The following PFKP variants were observed in gnomAD, a reference collection of about 807,000 sequenced individuals.
The protein encoded by PFKP is phosphofructokinase, platelet.
PFKP carries 101 observed loss-of-function variants against 94.3 expected under a neutral mutation model. The ratio of observed to expected loss-of-function variants is 1.07; its 90% CI spans 0.91 to 1.26. The LOEUF is 1.26. PFKP is among the 50% of genes most tolerant of loss of function. The pLI is 0.00. For synonymous variants in PFKP, 573 were observed against 432.6 expected (o/e 1.32, Z -4.03); for missense variants, 1,145 against 1,103.3 (o/e 1.04, Z -0.53).
intron 10 of PFKP, 98 bp downstream of exon 10, chr10:3,109,578 A>C (rs1265877749): frequency 1.4e-6 from 2 of 1,412,680 alleles, no homozygotes; most frequent in African/African-American, 2.8e-5. Context: ...TCGTCGGTGC[A>C]CGATGCATTA....
At chr10:3,090,968 G>GT (rs1172524324) in intron 2 of PFKP, among the ~76,000 whole-genome samples, 1 of 152,144 alleles carries the variant, frequency 6.6e-6, no homozygotes, top group Non-Finnish European at 1.5e-5. Context: ...AAAGGGGTTT[G>GT]TTTTTTCCTT....
At position 3,112,776 on chromosome 10, in the gene PFKP, C is replaced by T. The variant is rs183290806; in HGVS notation, c.1155-343C>T. Among the ~76,000 whole-genome samples, 322 of 152,338 alleles carry T rather than the reference C, an allele frequency of 2.1e-3. 1 individual carries two copies. Among genetic ancestry groups the T allele is most frequent in the Middle Eastern group, 6.8e-3 (2 of 294 alleles). On this transcript the variant is annotated intron_variant, in intron 11 of 21. Coordinates refer to ENST00000381125, the MANE Select transcript of PFKP (RefSeq NM_002627.5). ...ACAGACGGGGTTTCAACATGTTGGC[C>T]AGGCTGGTCTCAAATTCCTGACCTC...
intron 1 of PFKP, chr10:3,069,404 G>A: frequency 6.3e-7 from 1 of 1,580,758 alleles, no homozygotes; most frequent in Non-Finnish European, 8.6e-7. Context: ...GAATGGAGCC[G>A]CCTTGGGGTC....
intron 16 of PFKP, among the ~76,000 whole-genome samples, chr10:3,122,021 TGTG>T (rs1837483333): frequency 6.6e-6 from 1 of 151,774 alleles, no homozygotes; most frequent in African/African-American, 2.4e-5. Flanking sequence ...GGGGTCTCCC[TGTG>T]TTGCCCAGGC....
intron 2 of PFKP, among the ~76,000 whole-genome samples, chr10:3,093,241 C>G (rs922232297): frequency 6.6e-6 from 1 of 151,940 alleles, no homozygotes; most frequent in African/African-American, 2.4e-5. Context: ...CTGACTGTCA[C>G]CCCCACCTTC....
chr10:3,119,892 G>A lies in PFKP; in HGVS notation c.1531G>A (p.Ala511Thr), dbSNP rs777034355. 2 of 1,614,044 alleles carry A rather than the reference G, an allele frequency of 1.2e-6. No homozygotes were observed. Among genetic ancestry groups the A allele is most frequent in the Non-Finnish European group, 1.7e-6 (2 of 1,180,002 alleles). Residue 511 changes from alanine to threonine, a missense_variant and splice_region_variant, in exon 16 of 22, where the codon GCC becomes ACC. Physicochemically the swap from Ala to Thr is moderately conservative, Grantham distance 58 (BLOSUM62 0). This residue lies in a region of PFKP where 1,119 missense variants were observed against 1,062.8 expected (regional missense o/e 1.05). Transcript: ENST00000381125. ...CACAACTCCCACGCTTGTCTGACAG[G>A]CCTACCTGGGACTCCTGGAGCTGTC... The part of the protein sequence containing the change: ...NALLIIGGFE[A>T]YLGLLELSAA...
intron 16 of PFKP, among the ~76,000 whole-genome samples, chr10:3,123,244 T>TA (rs1837603999): frequency 6.6e-6 from 1 of 152,144 alleles, no homozygotes; most frequent in African/African-American, 2.4e-5. Context: ...GTAAGCTCGA[T>TA]AAGGTCACAT....
chr10:3,098,673 A>AAAAAAAT (rs1834702699), intron 2 of PFKP, among the ~76,000 whole-genome samples: 1 of 5,372 alleles, frequency 1.9e-4, no homozygotes, highest in Non-Finnish European at 5.0e-4. Flanking sequence ...ACTCCGTCTC[A>AAAAAAAT]AAAAAAAAAA....
At chr10:3,093,006 T>C (rs1164350923) in intron 2 of PFKP, among the ~76,000 whole-genome samples, 10 of 134,046 alleles carry the variant, frequency 7.5e-5, no homozygotes, top group South Asian at 2.4e-4. Flanking sequence ...CCTGAGCTCC[T>C]GCTCCTGGGA....
rs1232299316 is a variant in PFKP at position 3,075,906 on chromosome 10, A to C, written c.113-6482A>C. ...GGCAACAGAGTGAGACCCTATCGCA[A>C]AAAAAAAAAAAAAAAAAAGTAGTGA... On this transcript the variant is annotated intron_variant, in intron 1 of 21. Coordinates refer to ENST00000381125, the MANE Select transcript of PFKP (RefSeq NM_002627.5). Among the ~76,000 whole-genome samples the C allele has an allele frequency of 3.3e-3, 318 of 95,822 alleles. 3 individuals are homozygous for C. The highest frequency in any genetic ancestry group is 0.014 in the African/African-American group (306 of 22,440). The allele number at this position is 95,822 out of a possible 152,430, so 62.9% of individuals were successfully genotyped here.
intron 10 of PFKP, among the ~76,000 whole-genome samples, chr10:3,110,432 G>A (rs1836074656): frequency 7.2e-6 from 1 of 139,030 alleles, no homozygotes; most frequent in South Asian, 2.2e-4. Context: ...TAGCCAGGAT[G>A]GTCTGGATCT....
Position 3,085,836 on chromosome 10 carries a change from T to G in PFKP, c.186+3375T>G, listed in dbSNP as rs74832066. On this transcript the variant is annotated intron_variant, in intron 2 of 21. Coordinates refer to ENST00000381125, the MANE Select transcript of PFKP (RefSeq NM_002627.5). ...CAGTCCTCCGCCCCCTCCCCAGCAT[T>G]GTCCTCCACCCTGCCCCCAGCGCTG... 4.4e-4 allele frequency among the ~76,000 whole-genome samples: 8 copies of G among 18,338 alleles called. 1 individual carries two copies. Among genetic ancestry groups the G allele is most frequent in the African/African-American group, 1.4e-3 (7 of 4,992 alleles). 12.0% of individuals were successfully genotyped at this position (18,338 alleles called of 152,430 possible). A position where few individuals can be genotyped will look rare whatever the true frequency, so the allele number is the denominator to read the frequency against.
rs184169724 is a variant in PFKP, at chr10:3,115,219, A to C, written c.1372-1557A>C. 2.1e-3 allele frequency among the ~76,000 whole-genome samples: 314 copies of C among 146,760 alleles called. 1 individual carries two copies. The highest frequency in any genetic ancestry group is 7.1e-3 in the African/African-American group (287 of 40,270). On this transcript the variant is annotated intron_variant, in intron 13 of 21. Coordinates refer to ENST00000381125, the MANE Select transcript of PFKP (RefSeq NM_002627.5). ...AGCGGAGACTCATGAGGCCAGGGTG[A>C]AAGTGTGTGTCCCACGGCCGAGGAC... is the stretch of plus-strand genomic sequence containing the variant.
At chr10:3,130,056 C>T in intron 17 of PFKP, 73 bp downstream of exon 17, 5 of 1,400,976 alleles carry the variant, frequency 3.6e-6, no homozygotes, top group Non-Finnish European at 4.8e-6. Flanking sequence ...ATCATCGTGT[C>T]TAGGGTGGTT....
intron 16 of PFKP, among the ~76,000 whole-genome samples, chr10:3,123,711 C>A (rs189706696): frequency 6.6e-6 from 1 of 152,270 alleles, no homozygotes; most frequent in South Asian, 2.1e-4. Flanking sequence ...GAGACTCCCA[C>A]GTGGCGGTGC....
chr10:3,133,777 A>ATCT (rs1838881312), intron 19 of PFKP, among the ~76,000 whole-genome samples: 1 of 152,178 alleles, frequency 6.6e-6, no homozygotes, highest in African/African-American at 2.4e-5. Context: ...CAGCTTTAGG[A>ATCT]TTCTTTTGTT....
At chr10:3,128,441 G>T (rs1017871978) in intron 16 of PFKP, among the ~76,000 whole-genome samples, 5 of 152,226 alleles carry the variant, frequency 3.3e-5, no homozygotes, top group Non-Finnish European at 5.9e-5. Flanking sequence ...GCTGAGGAAG[G>T]TGCCTCTGTG....
chr10:3,103,808 T>C lies in PFKP; in HGVS notation c.484T>C (p.Tyr162His). 6.2e-7 allele frequency: 1 copy of C among 1,613,934 alleles called. No homozygotes were observed. Among genetic ancestry groups the C allele is most frequent in the Non-Finnish European group, 8.5e-7 (1 of 1,180,026 alleles). The change falls in exon 5 of 22, where the codon TAC (tyrosine) becomes CAC (histidine). Residue 162 changes from tyrosine (Y) to histidine (H), a missense_variant. Physicochemically the swap from Tyr to His is moderately conservative, Grantham distance 83. Coordinates refer to ENST00000381125, the MANE Select transcript of PFKP (RefSeq NM_002627.5). ...GQIDKEAVQK[Y>H]AYLNVVGMVG... The stretch of plus-strand genomic sequence containing the variant: ...GATCGATAAGGAGGCCGTGCAGAAG[T>C]ACGCCTACCTCAACGTGGTGGGCAT...
chr10:3,098,653 A>G (rs1278377192), intron 2 of PFKP, among the ~76,000 whole-genome samples: 1 of 128,222 alleles, frequency 7.8e-6, no homozygotes, highest in Non-Finnish European at 1.6e-5. Context: ...AGCCTGGGTG[A>G]CAGAGTGAGA....
Sources: gnomAD v4.1 joint callset for allele counts (sites outside exome capture counted in the v4.1 genomes callset) on GRCh38, gnomAD v4.1.1 for gene constraint, gnomAD v4.1.1 regional missense constraint, MANE v1.5 for transcripts, NCBI Gene and HGNC (gene_info 2026-07-23, HGNC 2026-07-21) for gene names.